Variants in MACROD2 observed in about 807,000 individuals in gnomAD.
MACROD2 encodes the protein ADP-ribose glycohydrolase MACROD2.
Under a neutral mutation model 70.4 loss-of-function variants are expected in MACROD2, and 36 were observed. The ratio of observed to expected loss-of-function variants is 0.51; its 90% CI spans 0.39 to 0.68. The LOEUF (loss-of-function observed/expected upper bound fraction) is 0.68. MACROD2 is among the 30% of genes least tolerant of loss of function. MACROD2 has a pLI of 0.00. For missense variants in MACROD2, 496 were observed against 538.4 expected (o/e 0.92, Z 0.78); for synonymous variants, 172 against 178.8 (o/e 0.96, Z 0.30).
In MACROD2 at chr20:15,069,486, G is replaced by A. The variant is rs977712138; in HGVS notation, c.419-160454G>A. Among the ~76,000 whole-genome samples the A allele has an allele frequency of 2.0e-5, 3 of 152,188 alleles. No individual in the cohort carries two copies. In the South Asian group the frequency reaches 6.2e-4, roughly 32 times the overall value. ...GCCTTGAAGGCATTTCAGAACTCTA[G>A]GCTGCCCTTCCCATCACAGGCCCAG... On this transcript the variant is annotated intron_variant, in intron 5 of 17. Transcript: ENST00000684519.
chr20:15,032,493 C>T (rs1193361240), intron 5 of MACROD2, among the ~76,000 whole-genome samples: 1 of 152,200 alleles, frequency 6.6e-6, no homozygotes, highest in Non-Finnish European at 1.5e-5. Context: ...ATTCACGGAG[C>T]TGAGAGCCAA....
At chr20:15,372,287 A>G (rs2045504680) in intron 6 of MACROD2, among the ~76,000 whole-genome samples, 1 of 152,210 alleles carries the variant, frequency 6.6e-6, no homozygotes, top group East Asian at 1.9e-4. Flanking sequence ...TTGTGTTTGT[A>G]AAATCCAAGT....
At chr20:14,941,341 C>T (rs1275671461) in intron 5 of MACROD2, among the ~76,000 whole-genome samples, 2 of 151,968 alleles carry the variant, frequency 1.3e-5, no homozygotes, top group Non-Finnish European at 2.9e-5. Flanking sequence ...CTCTGGCTGC[C>T]CTCTGGGGTA....
chr20:14,186,121 T>C (rs749884830), intron 3 of MACROD2, among the ~76,000 whole-genome samples: 12 of 152,182 alleles, frequency 7.9e-5, no homozygotes, highest in Non-Finnish European at 1.3e-4. Flanking sequence ...CTGACTGCTT[T>C]CCTGAATTTC....
intron 8 of MACROD2, among the ~76,000 whole-genome samples, chr20:15,546,268 G>A (rs566372747): frequency 2.0e-4 from 30 of 152,268 alleles, no homozygotes; most frequent in African/African-American, 7.0e-4. Context: ...CTCTGACCAT[G>A]ACTTCACATG....
rs201968187 is a variant in MACROD2, at chr20:15,091,353, CA to C, written c.419-138577del. ...GAAGGACTTAAAAAATAAAACCAAA[CA>C]AAAAAAAAATGAAAAATAAAAGTTT... On this transcript the variant is annotated intron_variant, in intron 5 of 17. Transcript: ENST00000684519. Among the ~76,000 whole-genome samples, 202 of 141,128 alleles carry C rather than the reference CA, an allele frequency of 1.4e-3. 1 individual carries two copies. Among genetic ancestry groups the C allele is most frequent in the African/African-American group, 3.2e-3 (122 of 38,716 alleles). The allele number at this position is 141,128 out of a possible 152,430, so 92.6% of individuals were successfully genotyped here. A position where few individuals can be genotyped will look rare whatever the true frequency, so the allele number is the denominator to read the frequency against.
chr20:14,513,705 T>G (rs911341359), intron 4 of MACROD2, among the ~76,000 whole-genome samples: 1 of 152,146 alleles, frequency 6.6e-6, no homozygotes, highest in Admixed American at 6.6e-5. Flanking sequence ...TGATTTGTTA[T>G]GTTTAGATGG....
At chr20:15,379,220 A>C (rs952465426) in intron 6 of MACROD2, among the ~76,000 whole-genome samples, 1 of 152,170 alleles carries the variant, frequency 6.6e-6, no homozygotes, top group African/African-American at 2.4e-5. Context: ...ACAACACCTA[A>C]AGTTTAGGAA....
At position 15,910,393 on chromosome 20, in the gene MACROD2, CATGTGTGTGTGT is replaced by C. The variant is rs2065218476; in HGVS notation, c.776-22882_776-22871del. Among the ~76,000 whole-genome samples, 3 of 105,784 alleles carry C rather than the reference CATGTGTGTGTGT, an allele frequency of 2.8e-5. No homozygotes were observed. The South Asian group carries it at 1.2e-3, about 43-fold the overall frequency. The allele number at this position is 105,784 out of a possible 152,430, so 69.4% of individuals were successfully genotyped here. A position where few individuals can be genotyped will look rare whatever the true frequency, so the allele number is the denominator to read the frequency against. The stretch of plus-strand genomic sequence containing the variant: ...ATTGTGATGTGGCCAAGTCAGAGGA[CATGTGTGTGTGT>C]GTGTGTGTGTGTGTGTGTGTGTGTG... On this transcript the variant is annotated intron_variant, in intron 10 of 17. Transcript: ENST00000684519.
intron 5 of MACROD2, among the ~76,000 whole-genome samples, chr20:14,776,592 T>C (rs1013181727): frequency 2.6e-5 from 4 of 152,096 alleles, no homozygotes; most frequent in African/African-American, 7.3e-5. Context: ...TCTAATGACA[T>C]GATGAACCCA....
At chr20:15,200,140 C>T (rs76281693) in intron 5 of MACROD2, among the ~76,000 whole-genome samples, 1 of 152,260 alleles carries the variant, frequency 6.6e-6, no homozygotes, top group East Asian at 1.9e-4. Context: ...TCAGCTAAGG[C>T]CTTGTTTCAT....
chr20:14,434,681 A>G (rs1363352848), intron 3 of MACROD2, among the ~76,000 whole-genome samples: 2 of 152,022 alleles, frequency 1.3e-5, no homozygotes, highest in Non-Finnish European at 2.9e-5. Context: ...CAAACATGCT[A>G]TTGTTTTTCC....
chr20:14,498,437 A>G (rs1297553360), intron 4 of MACROD2, among the ~76,000 whole-genome samples: 1 of 152,214 alleles, frequency 6.6e-6, no homozygotes, highest in African/African-American at 2.4e-5. Context: ...ATATTAATTG[A>G]GTTACTATTG....
chr20:15,948,161 A>G (rs1000483430), intron 12 of MACROD2, among the ~76,000 whole-genome samples: 2 of 152,110 alleles, frequency 1.3e-5, no homozygotes, highest in Non-Finnish European at 2.9e-5. Context: ...ACCTTTAAGC[A>G]TGGGGCTTGC....
chr20:15,619,368 G>T, intron 8 of MACROD2: 1 of 195,276 alleles, frequency 5.1e-6, no homozygotes, highest in Non-Finnish European at 1.1e-5. Flanking sequence ...TTAGAGGCAA[G>T]ATGGAGTTGG....
intron 13 of MACROD2, 45 bp from the exon 14 acceptor site, chr20:15,986,682 A>T (rs34675181): frequency 2.1e-6 from 3 of 1,454,576 alleles, no homozygotes; most frequent in South Asian, 2.3e-5. Context: ...AGCTACGGTC[A>T]TGCATATCAC....
At chr20:15,430,560 A>C (rs957228151) in intron 6 of MACROD2, among the ~76,000 whole-genome samples, 4 of 152,146 alleles carry the variant, frequency 2.6e-5, no homozygotes, top group Admixed American at 1.3e-4. Context: ...TATAGCTAGA[A>C]AGCCTAATTT....
chr20:15,711,316 A>G lies in MACROD2; in HGVS notation c.646-151429A>G, dbSNP rs1260800641. On this transcript the variant is annotated intron_variant, in intron 8 of 17. Transcript: ENST00000684519. ...GCCCAGTAATTTCTTATCTCGTGGT[A>G]TGTTAATTGCTAAAATATAAACAAA... 2.0e-5 allele frequency among the ~76,000 whole-genome samples: 3 copies of G among 152,210 alleles called. No individual in the cohort carries two copies. In the East Asian group the frequency reaches 5.8e-4, roughly 29 times the overall value.
intron 2 of MACROD2, among the ~76,000 whole-genome samples, chr20:14,041,279 A>T (rs1286012393): frequency 6.6e-6 from 1 of 152,134 alleles, no homozygotes; most frequent in Non-Finnish European, 1.5e-5. Context: ...AAATTGTTGG[A>T]GAGTTTTTTG....
Sources: allele counts gnomAD v4.1 joint callset (sites outside exome capture counted in the v4.1 genomes callset), GRCh38; gene constraint gnomAD v4.1.1; transcripts MANE v1.5; gene names NCBI Gene and HGNC (gene_info 2026-07-23, HGNC 2026-07-21).